Variants in KCNB2 observed in about 807,000 individuals in gnomAD.
KCNB2 encodes the protein potassium voltage-gated channel subfamily B member 2, also known as delayed rectifier potassium channel protein.
Under a neutral mutation model 61.5 loss-of-function variants are expected in KCNB2, and 15 were observed. The ratio of observed to expected loss-of-function variants is 0.24; its 90% CI spans 0.16 to 0.38. KCNB2 has a LOEUF of 0.38. Among genes scored for constraint, KCNB2 ranks in the 10% least tolerant of loss-of-function variants. The probability of loss-of-function intolerance (pLI) is 1.00; values close to 1 mark genes in which losing one functional copy is unlikely to be tolerated. For missense variants in KCNB2, 828 were observed against 1,125.2 expected, an observed-to-expected ratio of 0.74 and a Z score of 3.78; for synonymous variants, 457 against 446.0, an observed-to-expected ratio of 1.02 and a Z score of -0.31.
intron 2 of KCNB2, among the ~76,000 whole-genome samples, chr8:72,735,764 A>G (rs187096373): frequency 3.3e-5 from 5 of 152,330 alleles, no homozygotes; most frequent in Admixed American, 2.0e-4. Context: ...CAGTATGCAT[A>G]GCAGTCTTTT....
intron 2 of KCNB2, among the ~76,000 whole-genome samples, chr8:72,650,014 C>T (rs934684157): frequency 6.6e-6 from 1 of 152,094 alleles, no homozygotes; most frequent in Admixed American, 6.6e-5. Flanking sequence ...AGTGATCCAG[C>T]GTTCCACCTC....
At chr8:72,549,347 G>A (rs1354185346) in intron 1 of KCNB2, among the ~76,000 whole-genome samples, 1 of 152,302 alleles carries the variant, frequency 6.6e-6, no homozygotes, top group South Asian at 2.1e-4. Flanking sequence ...GAATGTTAGC[G>A]ATTTGGCATA....
chr8:72,632,505 T>A (rs1178577234), intron 2 of KCNB2, among the ~76,000 whole-genome samples: 2 of 152,204 alleles, frequency 1.3e-5, no homozygotes, highest in African/African-American at 4.8e-5. Context: ...GGTAGGATGC[T>A]AATTTTGTTA....
intron 2 of KCNB2, among the ~76,000 whole-genome samples, chr8:72,598,937 G>A (rs971497407): frequency 5.9e-5 from 9 of 152,170 alleles, no homozygotes; most frequent in Admixed American, 5.9e-4. Flanking sequence ...ACAACTCAAT[G>A]AAATAAAAGA....
chr8:72,602,477 G>A (rs1805367760), intron 2 of KCNB2, among the ~76,000 whole-genome samples: 1 of 152,190 alleles, frequency 6.6e-6, no homozygotes, highest in Middle Eastern at 3.4e-3. Context: ...TGTTCATTTA[G>A]CTTTATATAA....
intron 2 of KCNB2, among the ~76,000 whole-genome samples, chr8:72,603,441 C>T (rs760697427): frequency 6.6e-6 from 1 of 152,188 alleles, no homozygotes; most frequent in African/African-American, 2.4e-5. Context: ...CCCATATCTA[C>T]CTACTAATGT....
At chr8:72,715,884 GA>G (rs1807429283) in intron 2 of KCNB2, among the ~76,000 whole-genome samples, 1 of 152,104 alleles carries the variant, frequency 6.6e-6, no homozygotes, top group African/African-American at 2.4e-5. Flanking sequence ...CTGGTTTTTT[GA>G]AAAGATCATC....
intron 2 of KCNB2, among the ~76,000 whole-genome samples, chr8:72,758,728 C>A (rs1808332739): frequency 6.6e-6 from 1 of 152,164 alleles, no homozygotes; most frequent in Non-Finnish European, 1.5e-5. Flanking sequence ...TCTAGCGGTA[C>A]TTTTGCAGTG....
At chr8:72,607,519 G>A (rs565164642) in intron 2 of KCNB2, among the ~76,000 whole-genome samples, 1 of 152,238 alleles carries the variant, frequency 6.6e-6, no homozygotes, top group South Asian at 2.1e-4. Context: ...GGCATGTCCT[G>A]GCAAATGCAA....
At chr8:72,710,996 G>A (rs1368116410) in intron 2 of KCNB2, among the ~76,000 whole-genome samples, 5 of 152,162 alleles carry the variant, frequency 3.3e-5, no homozygotes, top group Admixed American at 3.3e-4. Flanking sequence ...CAAAATCCCG[G>A]CAGTCTGTGA....
intron 1 of KCNB2, among the ~76,000 whole-genome samples, chr8:72,560,077 C>G (rs898313057): frequency 6.6e-6 from 1 of 152,096 alleles, no homozygotes; most frequent in African/African-American, 2.4e-5. Context: ...GCTTTTAATA[C>G]AGGCACATTA....
At chr8:72,770,090 G>A (rs750535126) in intron 2 of KCNB2, among the ~76,000 whole-genome samples, 21 of 152,280 alleles carry the variant, frequency 1.4e-4, no homozygotes, top group Non-Finnish European at 2.8e-4. Context: ...CTTTGTAGAA[G>A]GGAATAACAG....
intron 2 of KCNB2, among the ~76,000 whole-genome samples, chr8:72,726,592 C>G (rs142860471): frequency 6.6e-6 from 1 of 152,034 alleles, no homozygotes; most frequent in Non-Finnish European, 1.5e-5. Flanking sequence ...TATACACATA[C>G]GACATATCCA....
At chr8:72,919,029 G>T (rs1024981512) in intron 2 of KCNB2, among the ~76,000 whole-genome samples, 3 of 152,088 alleles carry the variant, frequency 2.0e-5, no homozygotes, top group African/African-American at 7.2e-5. Flanking sequence ...GGGCTTTTGG[G>T]CACCCACAGG....
At chr8:72,827,718 T>C (rs1408648647) in intron 2 of KCNB2, among the ~76,000 whole-genome samples, 1 of 152,232 alleles carries the variant, frequency 6.6e-6, no homozygotes, top group African/African-American at 2.4e-5. Flanking sequence ...ACAAAATATC[T>C]TTCTAATTGC....
At chr8:72,737,776 C>T (rs990276483) in intron 2 of KCNB2, among the ~76,000 whole-genome samples, 2 of 152,144 alleles carry the variant, frequency 1.3e-5, no homozygotes, top group African/African-American at 4.8e-5. Context: ...ATTCCTTCTC[C>T]TCAGAAGAAT....
intron 2 of KCNB2, among the ~76,000 whole-genome samples, chr8:72,629,714 G>T (rs1805848918): frequency 6.6e-6 from 1 of 152,132 alleles, no homozygotes; most frequent in Non-Finnish European, 1.5e-5. Flanking sequence ...ATGGGTTCTG[G>T]GTAAGCAAGA....
At chr8:72,797,991 T>C (rs1809058056) in intron 2 of KCNB2, among the ~76,000 whole-genome samples, 1 of 152,178 alleles carries the variant, frequency 6.6e-6, no homozygotes, top group Non-Finnish European at 1.5e-5. Context: ...TGTTTTCCTA[T>C]CTCATTTCTT....
intron 2 of KCNB2, among the ~76,000 whole-genome samples, chr8:72,854,326 A>G (rs1356007479): frequency 6.6e-6 from 1 of 152,168 alleles, no homozygotes; most frequent in Non-Finnish European, 1.5e-5. Flanking sequence ...TCAGTTATAT[A>G]TTTTTTAAGT....
Sources: gnomAD v4.1 joint callset for allele counts (sites outside exome capture counted in the v4.1 genomes callset) on GRCh38, gnomAD v4.1.1 for gene constraint, MANE v1.5 for transcripts, NCBI Gene and HGNC (gene_info 2026-07-23, HGNC 2026-07-21) for gene names.